Variants in TIMELESS observed in about 807,000 individuals in gnomAD.
The protein encoded by TIMELESS is protein timeless homolog.
A neutral mutation model predicts 164.3 loss-of-function variants in TIMELESS; 124 were observed. The ratio of observed to expected loss-of-function variants is 0.75; its 90% CI spans 0.65 to 0.88. TIMELESS has a LOEUF of 0.88. Among genes scored for constraint, TIMELESS ranks in the 40% least tolerant of loss-of-function variants. TIMELESS has a pLI of 0.00. For synonymous variants in TIMELESS, 564 were observed against 563.4 expected (o/e 1.00, Z -0.02); for missense variants, 1,422 against 1,491.4 (o/e 0.95, Z 0.77).
intron 1 of TIMELESS, among the ~76,000 whole-genome samples, chr12:56,447,605 G>C (rs1311066082): frequency 5.9e-5 from 9 of 152,142 alleles, no homozygotes; most frequent in Non-Finnish European, 1.3e-4. Flanking sequence ...CTTAGGACTT[G>C]AGTTCCTTAA....
chr12:56,420,277 A>G (rs1881422924), intron 26 of TIMELESS, among the ~76,000 whole-genome samples: 1 of 151,874 alleles, frequency 6.6e-6, no homozygotes, highest in South Asian at 2.1e-4. Context: ...GGGTCCTGGA[A>G]CCAATCCCCT....
chr12:56,444,047 G>A (rs531840648), intron 1 of TIMELESS, among the ~76,000 whole-genome samples: 177 of 152,034 alleles, frequency 1.2e-3, no homozygotes, highest in Non-Finnish European at 2.1e-3. Context: ...ACAGGTGCCC[G>A]CCACCACGCT....
rs754667037 is a variant in TIMELESS, at chr12:56,433,665, G to A, written c.252-13C>T. The A allele has an allele frequency of 3.1e-6, 5 of 1,613,828 alleles. No individual in the cohort carries two copies. The highest frequency in any genetic ancestry group is 4.2e-6 in the Non-Finnish European group (5 of 1,179,924). The stretch of plus-strand genomic sequence containing the variant: ...GTTCACCATCAGTCTGGGAGACAAT[G>A]AAGGAGGGAGAAGTTGTTAAGTTTC... On this transcript the variant is annotated splice_polypyrimidine_tract_variant and intron_variant, in intron 3 of 28. Coordinates refer to ENST00000553532, the MANE Select transcript of TIMELESS (RefSeq NM_003920.5).
intron 26 of TIMELESS, among the ~76,000 whole-genome samples, chr12:56,419,031 A>C (rs1881366882): frequency 3.6e-5 from 5 of 139,428 alleles, no homozygotes; most frequent in Admixed American, 3.1e-4. Flanking sequence ...GCAGAGTCTC[A>C]CTCTGTTGCC....
chr12:56,440,433 G>A (rs1025074644), intron 1 of TIMELESS, among the ~76,000 whole-genome samples: 1 of 151,838 alleles, frequency 6.6e-6, no homozygotes, highest in African/African-American at 2.4e-5. Flanking sequence ...CACTGCGCCC[G>A]ACCAAATAAA....
Position 56,423,484 on chromosome 12 carries a change from A to C in TIMELESS, c.2091-9T>G. The C allele has an allele frequency of 6.2e-7, 1 of 1,614,094 alleles. No homozygotes were observed. The highest frequency in any genetic ancestry group is 8.5e-7 in the Non-Finnish European group (1 of 1,179,970). On this transcript the variant is annotated splice_polypyrimidine_tract_variant and intron_variant, in intron 17 of 28. Transcript: ENST00000553532. The stretch of plus-strand genomic sequence containing the variant: ...CAGTTGAACATGCAAAGCTGCACCA[A>C]AACAAGGAGGGAGAGGATGTCAGCA...
intron 8 of TIMELESS, 90 bp downstream of exon 8, chr12:56,431,381 T>G: frequency 6.2e-6 from 7 of 1,131,786 alleles, no homozygotes; most frequent in Non-Finnish European, 8.6e-6. Flanking sequence ...AACACTAAAA[T>G]GTTGTTCAAT....
chr12:56,420,484 C>T, intron 26 of TIMELESS, 85 bp downstream of exon 26: 1 of 1,121,418 alleles, frequency 8.9e-7, no homozygotes, highest in South Asian at 1.3e-5. Context: ...ATAAGGAGGA[C>T]CACCATGACA....
chr12:56,433,102 T>A lies in TIMELESS; in HGVS notation c.455A>T (p.Asp152Val). The change falls in exon 6 of 29, where the codon GAC becomes GTC. Residue 152 changes from aspartate (D) to valine (V), a missense_variant. Coordinates refer to ENST00000553532, the MANE Select transcript of TIMELESS (RefSeq NM_003920.5). ...QLGWEERQEEDNLLIERILLL... is the reference protein window; with the variant it reads ...QLGWEERQEEVNLLIERILLL... ...TAGGATCCGTTCAATCAGCAAGTTG[T>A]CTTCCTCCTGCCGTTCCTCCCAGCC... The A allele has an allele frequency of 6.2e-7, 1 of 1,614,144 alleles. No individual in the cohort carries two copies. Among genetic ancestry groups the A allele is most frequent in the Non-Finnish European group, 8.5e-7 (1 of 1,180,026 alleles).
rs111757764 is a variant in TIMELESS at position 56,427,138 on chromosome 12, G to GTTTTTTT, written c.1578+1097_1578+1098insAAAAAAA. On this transcript the variant is annotated intron_variant, in intron 13 of 28. Transcript: ENST00000553532. Reference sequence around the variant, plus strand: ...TGCTGGTGAATTGTTTTTGTTTTTTGTTGAGACAGAGTCTTGCTCTGTGGC... The same window carrying GTTTTTTT: ...TGCTGGTGAATTGTTTTTGTTTTTTGTTTTTTTTTGAGACAGAGTCTTGCTCTGTGGC... Among the ~76,000 whole-genome samples, 1,241 of 151,138 alleles carry GTTTTTTT rather than the reference G, an allele frequency of 8.2e-3. 10 individuals are homozygous for GTTTTTTT. The highest frequency in any genetic ancestry group is 0.026 in the African/African-American group (1,088 of 41,166).
At chr12:56,437,079 G>A (rs750163308) in intron 1 of TIMELESS, among the ~76,000 whole-genome samples, 3 of 151,982 alleles carry the variant, frequency 2.0e-5, no homozygotes, top group South Asian at 2.1e-4. Flanking sequence ...ACAGGCGCAC[G>A]CCACCATACC....
rs771009313 is a variant in TIMELESS, at chr12:56,417,941, G to A, written c.3522C>T (p.Asp1174=). 32 of 1,614,068 alleles carry A rather than the reference G, an allele frequency of 2.0e-5. No homozygotes were observed. Among genetic ancestry groups the A allele is most frequent in the South Asian group, 1.8e-4 (16 of 91,078 alleles). Residue 1174 remains aspartate, a synonymous_variant, in exon 28 of 29, where the codon GAC becomes GAT. Coordinates refer to ENST00000553532, the MANE Select transcript of TIMELESS (RefSeq NM_003920.5). ...APKKRQLLDS[D]EEQEEDEGRN... ...TGCCCTCATCTTCTTCCTGTTCCTC[G>A]TCGCTGTCCAGCAATTGTCGTTTCT...
intron 28 of TIMELESS, 53 bp downstream of exon 28, chr12:56,417,854 G>A: frequency 1.2e-6 from 2 of 1,613,490 alleles, no homozygotes; most frequent in South Asian, 2.2e-5. Flanking sequence ...GGACGTGGTA[G>A]AGTTTGTCTT....
chr12:56,418,504 T>C (rs1223809134), intron 26 of TIMELESS, 145 bp from the exon 27 acceptor site: 3 of 613,876 alleles, frequency 4.9e-6, no homozygotes, highest in Non-Finnish European at 8.6e-6. Context: ...CTATCTAATA[T>C]ATACCCAGTG....
At chr12:56,432,974 A>AAAAAAAAG (rs142212258) in intron 6 of TIMELESS, 52 bp downstream of exon 6, 14 of 946,698 alleles carry the variant, frequency 1.5e-5, no homozygotes, top group African/African-American at 3.7e-5. Flanking sequence ...AAAAAAAAAA[A>AAAAAAAAG]GGCAGCTCAA....
At chr12:56,420,321 A>AT in intron 26 of TIMELESS, among the ~76,000 whole-genome samples, 1 of 152,028 alleles carries the variant, frequency 6.6e-6, no homozygotes, top group African/African-American at 2.4e-5. Flanking sequence ...AATCAAGACT[A>AT]TATTTTAAAA....
At position 56,423,636 on chromosome 12, in the gene TIMELESS, G is replaced by C. The variant is rs1215083704; in HGVS notation, c.2038C>G (p.Gln680Glu). The change falls in exon 17 of 29, where the codon CAA becomes GAA. Residue 680 changes from glutamine (Q) to glutamate (E), a missense_variant. Physicochemically the swap from Gln to Glu is conservative, Grantham distance 29. Transcript: ENST00000553532. ...TCTTTCTCCGACACCTGGACCACTTGCAACTCCTCCTCTTCCTCCTCCTCC... is the reference window on the plus strand; with the variant it reads ...TCTTTCTCCGACACCTGGACCACTTCCAACTCCTCCTCTTCCTCCTCCTCC... Reference protein sequence around the residue: ...EEEEEEEEELQVVQVSEKEFN... With the variant: ...EEEEEEEEELEVVQVSEKEFN... 1.9e-6 allele frequency: 3 copies of C among 1,614,004 alleles called. No individual in the cohort carries two copies. The South Asian group carries it at 3.3e-5, about 18-fold the overall frequency.
chr12:56,422,974 TG>T lies in TIMELESS; in HGVS notation c.2310del (p.Lys771AsnfsTer33), dbSNP rs781634242. ...AGAYKELVTF[A>X]KYILGKFFAL... ...GCAAAAAATTTGCCCAGGATGTATT[TG>T]GCAAAAGTCACTAGCTCCTGTAGGA... On this transcript the variant is annotated frameshift_variant, in exon 19 of 29. Coordinates refer to ENST00000553532, the MANE Select transcript of TIMELESS (RefSeq NM_003920.5). LOFTEE classifies it high-confidence loss of function. 1 of 1,613,904 alleles carries T rather than the reference TG, an allele frequency of 6.2e-7. No homozygotes were observed. Among genetic ancestry groups the T allele is most frequent in the South Asian group, 1.1e-5 (1 of 91,028 alleles).
At chr12:56,418,380 AAAAGGG>A (rs1699244223) in intron 26 of TIMELESS, 21 bp from the exon 27 acceptor site, 1 of 1,570,316 alleles carries the variant, frequency 6.4e-7, no homozygotes, top group Admixed American at 1.9e-5. Flanking sequence ...CAAAAAGTTG[AAAAGGG>A]AAAGGACCAG....
Sources: allele counts gnomAD v4.1 joint callset (sites outside exome capture counted in the v4.1 genomes callset), GRCh38; gene constraint gnomAD v4.1.1; transcripts MANE v1.5; gene names NCBI Gene and HGNC (gene_info 2026-07-23, HGNC 2026-07-21).